The following SYBU variants were observed in gnomAD, a reference collection of about 807,000 sequenced individuals.
SYBU encodes GOLSYN A protein.
A neutral mutation model predicts 35.9 loss-of-function variants in SYBU; 21 were observed. The ratio of observed to expected loss-of-function variants is 0.58; its 90% confidence interval spans 0.41 to 0.84. The LOEUF (loss-of-function observed/expected upper bound fraction) is 0.84. Among genes scored for constraint, SYBU ranks in the 40% least tolerant of loss-of-function variants. The probability of loss-of-function intolerance (pLI) is 0.00; values close to 1 mark genes in which losing one functional copy is unlikely to be tolerated. For synonymous variants in SYBU, 319 were observed against 324.3 expected, an observed-to-expected ratio of 0.98 and a Z score of 0.18; for missense variants, 768 against 848.2, an observed-to-expected ratio of 0.91 and a Z score of 1.17.
intron 4 of SYBU, among the ~76,000 whole-genome samples, chr8:109,582,248 A>G (rs1297504648): frequency 6.6e-6 from 1 of 152,356 alleles, no homozygotes; most frequent in Non-Finnish European, 1.5e-5. Context: ...ATAAATTATC[A>G]GACAGTTTGT....
intron 2 of SYBU, 89 bp from the exon 3 acceptor site, chr8:109,619,128 G>A (rs1158285664): frequency 1.2e-5 from 11 of 949,534 alleles, no homozygotes; most frequent in African/African-American, 4.8e-5. Flanking sequence ...ACACGCACAC[G>A]TGCACTCGCA....
intron 3 of SYBU, among the ~76,000 whole-genome samples, chr8:109,594,220 A>G (rs111793748): frequency 0.013 from 2,026 of 152,288 alleles, 14 homozygotes; most frequent in African/African-American, 0.023. Flanking sequence ...GAAGGAGGTG[A>G]TGAAGGACTG....
chr8:109,597,476 G>A (rs570260047), intron 3 of SYBU, among the ~76,000 whole-genome samples: 1 of 152,234 alleles, frequency 6.6e-6, no homozygotes, highest in Non-Finnish European at 1.5e-5. Context: ...CCAGCACTTT[G>A]GGAGGCTGAG....
intron 2 of SYBU, among the ~76,000 whole-genome samples, chr8:109,626,072 T>C (rs2130459384): frequency 6.6e-6 from 1 of 152,360 alleles, no homozygotes; most frequent in South Asian, 2.1e-4. Context: ...TTCATTGACC[T>C]TTTAAATTTA....
At chr8:109,616,605 G>A (rs1811819526) in intron 3 of SYBU, among the ~76,000 whole-genome samples, 1 of 151,676 alleles carries the variant, frequency 6.6e-6, no homozygotes. Context: ...AATGTTTTGG[G>A]AATGAGGTGG....
intron 1 of SYBU, among the ~76,000 whole-genome samples, chr8:109,688,210 C>G (rs1838835118): frequency 6.6e-6 from 1 of 151,924 alleles, no homozygotes; most frequent in Admixed American, 6.6e-5. Flanking sequence ...GGCATTATTC[C>G]TTTGATAAAT....
At chr8:109,645,476 C>T, upstream of SYBU, 5 of 371,932 alleles carry the variant, frequency 1.3e-5, 1 homozygote, top group South Asian at 9.9e-5. Flanking sequence ...CCAGCGCTGC[C>T]CTGCAGCTGC....
At chr8:109,673,024 A>C (rs1336829080) in intron 1 of SYBU, among the ~76,000 whole-genome samples, 1 of 152,254 alleles carries the variant, frequency 6.6e-6, no homozygotes, top group African/African-American at 2.4e-5. Context: ...GAAAAGCAGC[A>C]GCCCCACTCA....
At chr8:109,612,438 A>G (rs969540280) in intron 3 of SYBU, among the ~76,000 whole-genome samples, 2 of 152,218 alleles carry the variant, frequency 1.3e-5, no homozygotes, top group African/African-American at 4.8e-5. Context: ...CTGGCAAGCT[A>G]TTAGAAAAAT....
chr8:109,588,539 A>G (rs1226180696), intron 3 of SYBU, among the ~76,000 whole-genome samples: 1 of 152,184 alleles, frequency 6.6e-6, no homozygotes, highest in African/African-American at 2.4e-5. Context: ...CTTCACAACT[A>G]TTTCAGTTCA....
chr8:109,689,860 G>C (rs1387040025), intron 1 of SYBU, among the ~76,000 whole-genome samples: 1 of 136,518 alleles, frequency 7.3e-6, no homozygotes, highest in Non-Finnish European at 1.5e-5. Flanking sequence ...AAAAAACCAT[G>C]ACTATTAGAG....
intron 1 of SYBU, among the ~76,000 whole-genome samples, chr8:109,689,620 C>T (rs1486938687): frequency 2.0e-5 from 3 of 152,176 alleles, no homozygotes. Flanking sequence ...GCGCAAGCCA[C>T]CATGCCAGGC....
chr8:109,634,028 C>T (rs963814752), intron 2 of SYBU, among the ~76,000 whole-genome samples: 2 of 152,172 alleles, frequency 1.3e-5, no homozygotes, highest in African/African-American at 4.8e-5. Flanking sequence ...GCCACTGCAA[C>T]TGGATATAAT....
upstream of SYBU, among the ~76,000 whole-genome samples, chr8:109,684,242 T>A (rs745999915): frequency 6.6e-6 from 1 of 152,230 alleles, no homozygotes; most frequent in African/African-American, 2.4e-5. Context: ...GATGTCCAGA[T>A]GCAAATTTAA....
At position 109,688,849 on chromosome 8, in the gene SYBU, C is replaced by G. The variant is rs77925893; in HGVS notation, c.-58+2484G>C. 9.0e-3 allele frequency among the ~76,000 whole-genome samples: 1,352 copies of G among 150,614 alleles called. 27 individuals carry two copies. Among genetic ancestry groups the G allele is most frequent in the African/African-American group, 0.032 (1,299 of 40,368 alleles). On this transcript the variant is annotated intron_variant, in intron 1 of 7. Transcript: ENST00000422135. ...AAGTACTATTTAAATAAAACACTTT[C>G]TCTTTGTTTTCCAAAATTTTAAATA...
chr8:109,607,955 G>T, intron 3 of SYBU: 3 of 1,535,086 alleles, frequency 2.0e-6, no homozygotes, highest in Non-Finnish European at 1.7e-6. Context: ...CATTGCCTCT[G>T]CAAACAGCCT....
intron 3 of SYBU, among the ~76,000 whole-genome samples, chr8:109,594,044 G>A (rs185500269): frequency 8.5e-5 from 13 of 152,308 alleles, no homozygotes; most frequent in Admixed American, 3.3e-4. Context: ...AGAACTAGCT[G>A]GAAAGCCTGC....
chr8:109,618,087 A>G (rs182485112), intron 3 of SYBU, among the ~76,000 whole-genome samples: 2 of 152,350 alleles, frequency 1.3e-5, no homozygotes, highest in Non-Finnish European at 1.5e-5. Flanking sequence ...GCTCATAAAT[A>G]TGGATAGCAT....
chr8:109,578,058 TCC>T, intron 5 of SYBU, 41 bp from the exon 6 acceptor site: 3 of 1,580,690 alleles, frequency 1.9e-6, no homozygotes, highest in Non-Finnish European at 2.6e-6. Context: ...TTTTGCCGTT[TCC>T]TTTTCTATAA....
Sources: gnomAD v4.1 joint callset for allele counts (sites outside exome capture counted in the v4.1 genomes callset) on GRCh38, gnomAD v4.1.1 for gene constraint, MANE v1.5 for transcripts, NCBI Gene and HGNC (gene_info 2026-07-23, HGNC 2026-07-21) for gene names.